PTPN4: variants seen among roughly 807,000 people sequenced by gnomAD.
The protein encoded by PTPN4 is tyrosine-protein phosphatase non-receptor type 4.
PTPN4 carries 49 observed loss-of-function variants against 135.5 expected under a neutral mutation model. That is an observed-to-expected ratio of 0.36 (90% CI 0.29 to 0.46). The LOEUF is 0.46. Among genes scored for constraint, PTPN4 ranks in the 20% least tolerant of loss-of-function variants. The pLI is 1.00. For synonymous variants in PTPN4, 333 were observed against 369.9 expected (o/e 0.90, Z 1.14); for missense variants, 860 against 1,101.0 (o/e 0.78, Z 3.10).
At chr2:119,847,007 G>A (rs1677508910) in intron 2 of PTPN4, among the ~76,000 whole-genome samples, 1 of 150,846 alleles carries the variant, frequency 6.6e-6, no homozygotes, top group Non-Finnish European at 1.5e-5. Context: ...GCTGAGAGAA[G>A]AGAGGAGAGC....
intron 2 of PTPN4, among the ~76,000 whole-genome samples, chr2:119,849,910 A>G (rs1482153360): frequency 6.6e-6 from 1 of 152,234 alleles, no homozygotes; most frequent in East Asian, 1.9e-4. Context: ...CAGTATATAA[A>G]TAGAGCATAA....
At chr2:119,910,925 C>T (rs1454131603) in intron 10 of PTPN4, among the ~76,000 whole-genome samples, 1 of 152,060 alleles carries the variant, frequency 6.6e-6, no homozygotes, top group East Asian at 1.9e-4. Flanking sequence ...TAATAAATTT[C>T]ACAACGTAGA....
chr2:119,902,904 C>T (rs1678427562), intron 10 of PTPN4, among the ~76,000 whole-genome samples: 1 of 152,158 alleles, frequency 6.6e-6, no homozygotes, highest in Non-Finnish European at 1.5e-5. Context: ...TCTACACACC[C>T]CCTAAGACCC....
chr2:119,820,372 A>G (rs977848010), intron 2 of PTPN4, among the ~76,000 whole-genome samples: 14 of 152,224 alleles, frequency 9.2e-5, no homozygotes, highest in African/African-American at 3.4e-4. Context: ...AGAAACTTTC[A>G]GTATTCATTG....
At chr2:119,803,479 G>A (rs939526221) in intron 1 of PTPN4, among the ~76,000 whole-genome samples, 1 of 152,108 alleles carries the variant, frequency 6.6e-6, no homozygotes, top group African/African-American at 2.4e-5. Context: ...AGATTTTTCT[G>A]TTGTCTTTCT....
intron 2 of PTPN4, among the ~76,000 whole-genome samples, chr2:119,846,169 T>C (rs1445695469): frequency 6.6e-6 from 1 of 152,220 alleles, no homozygotes; most frequent in East Asian, 1.9e-4. Flanking sequence ...TCTGCTATTG[T>C]TGGATGGAGT....
chr2:119,778,362 T>C (rs539625269), intron 1 of PTPN4, among the ~76,000 whole-genome samples: 1 of 152,346 alleles, frequency 6.6e-6, no homozygotes, highest in Admixed American at 6.5e-5. Context: ...ACGTCTGTTT[T>C]AGTAAATAAT....
In PTPN4 at chr2:119,809,940, G is replaced by A. The variant is rs763084181; in HGVS notation, c.87G>A (p.Val29=). 6 of 1,613,374 alleles carry A rather than the reference G, an allele frequency of 3.7e-6. No homozygotes were observed. The highest frequency in any genetic ancestry group is 5.1e-6 in the Non-Finnish European group (6 of 1,179,658). ...CCCGAGACAGACAGCATACTGAAGT[G>A]GTTTGCAACATCCTTCTTCTGGATA... The part of the protein sequence containing the change: ...ELARDRQHTE[V]VCNILLLDNT... Residue 29 remains valine, a synonymous_variant, in exon 2 of 27, where the codon GTG becomes GTA. Coordinates refer to ENST00000263708, the MANE Select transcript of PTPN4 (RefSeq NM_002830.4).
chr2:119,875,435 AGAT>A lies in PTPN4; in HGVS notation c.247-1887_247-1885del, dbSNP rs1411037522. Among the ~76,000 whole-genome samples, 9 of 152,328 alleles carry A rather than the reference AGAT, an allele frequency of 5.9e-5. No homozygotes were observed. In the East Asian group the frequency reaches 1.7e-3, roughly 29 times the overall value. ...TGAATGAGGAAGACAAGCTTTCAATAGATTAATTGATCTGAAATTTTGATTGTA... is the reference window on the plus strand; with the variant it reads ...TGAATGAGGAAGACAAGCTTTCAATATAATTGATCTGAAATTTTGATTGTA... On this transcript the variant is annotated intron_variant, in intron 3 of 26. Coordinates refer to ENST00000263708, the MANE Select transcript of PTPN4 (RefSeq NM_002830.4).
intron 2 of PTPN4, among the ~76,000 whole-genome samples, chr2:119,812,670 G>T (rs1676909325): frequency 6.6e-6 from 1 of 152,072 alleles, no homozygotes; most frequent in African/African-American, 2.4e-5. Context: ...TTTATTTACT[G>T]TGGCCAACCT....
intron 1 of PTPN4, among the ~76,000 whole-genome samples, chr2:119,778,790 AATTG>A (rs1690885745): frequency 6.6e-6 from 1 of 152,184 alleles, no homozygotes; most frequent in Non-Finnish European, 1.5e-5. Context: ...GGTCGGTAAC[AATTG>A]AGTAGAGGAC....
At chr2:119,878,190 C>T (rs1678013997) in intron 5 of PTPN4, among the ~76,000 whole-genome samples, 1 of 151,962 alleles carries the variant, frequency 6.6e-6, no homozygotes, top group Non-Finnish European at 1.5e-5. Context: ...CATGAATGAT[C>T]CAGATGAACA....
chr2:119,865,037 C>T (rs1333315052), intron 3 of PTPN4, among the ~76,000 whole-genome samples: 1 of 152,136 alleles, frequency 6.6e-6, no homozygotes, highest in Non-Finnish European at 1.5e-5. Flanking sequence ...AAACTAGGAC[C>T]TGGATCTCCT....
chr2:119,956,821 G>A, intron 20 of PTPN4, 23 bp from the exon 21 acceptor site: 1 of 1,552,992 alleles, frequency 6.4e-7, no homozygotes, highest in East Asian at 2.3e-5. Context: ...TGTTGGAATT[G>A]TACCTTTTTT....
intron 9 of PTPN4, 148 bp from the exon 10 acceptor site, chr2:119,900,570 C>A: frequency 2.3e-6 from 1 of 433,526 alleles, no homozygotes; most frequent in Non-Finnish European, 4.1e-6. Context: ...GTAATAAGTA[C>A]CATTTGGGTT....
chr2:119,861,747 TAA>T (rs1677763224), intron 2 of PTPN4, among the ~76,000 whole-genome samples: 1 of 152,224 alleles, frequency 6.6e-6, no homozygotes, highest in Non-Finnish European at 1.5e-5. Context: ...TTTTTACTCA[TAA>T]GTTATATTTT....
chr2:119,866,821 A>G (rs1677840921), intron 3 of PTPN4, among the ~76,000 whole-genome samples: 1 of 152,148 alleles, frequency 6.6e-6, no homozygotes, highest in Non-Finnish European at 1.5e-5. Flanking sequence ...AATCTATTTT[A>G]TATGTTTCAC....
rs17049920 is a variant in PTPN4, at chr2:119,929,941, C to T, written c.1071-2483C>T. Among the ~76,000 whole-genome samples, 950 of 152,022 alleles carry T rather than the reference C, an allele frequency of 6.2e-3. 7 individuals carry two copies. Among genetic ancestry groups the T allele is most frequent in the African/African-American group, 0.022 (909 of 41,464 alleles). On this transcript the variant is annotated intron_variant, in intron 13 of 26. Transcript: ENST00000263708. Reference sequence around the variant, plus strand: ...GTGAACTTTCATACAGCTTACATTTCGTAGTTTAATATTTGAGGAAATAAT... The same window carrying T: ...GTGAACTTTCATACAGCTTACATTTTGTAGTTTAATATTTGAGGAAATAAT...
At chr2:119,778,856 A>G (rs565766095) in intron 1 of PTPN4, among the ~76,000 whole-genome samples, 39 of 152,344 alleles carry the variant, frequency 2.6e-4, no homozygotes, top group Non-Finnish European at 4.7e-4. Context: ...ATCCCAGTGT[A>G]GGTCCAGTGT....
Sources: allele counts gnomAD v4.1 joint callset (sites outside exome capture counted in the v4.1 genomes callset), GRCh38; gene constraint gnomAD v4.1.1; transcripts MANE v1.5; gene names NCBI Gene and HGNC (gene_info 2026-07-23, HGNC 2026-07-21).